Variants in TRAPPC13 observed in about 807,000 individuals in gnomAD.
TRAPPC13 encodes trafficking protein particle complex subunit 13.
In TRAPPC13, 39 loss-of-function variants were observed where a neutral mutation model predicts 54.0. The ratio of observed to expected loss-of-function variants is 0.72; its 90% CI spans 0.56 to 0.94. The LOEUF (loss-of-function observed/expected upper bound fraction) is 0.94, where lower values mean the gene tolerates loss of function less well. Ranked by LOEUF, TRAPPC13 falls within the 40% of genes least tolerant of loss-of-function variation. The pLI, the probability that TRAPPC13 is intolerant of heterozygous loss-of-function variation, is 0.00. For synonymous variants in TRAPPC13, 148 were observed against 167.7 expected (o/e 0.88, Z 0.91); for missense variants, 386 against 488.1 (o/e 0.79, Z 1.97).
chr5:65,650,718 T>G lies in TRAPPC13; in HGVS notation c.429-92T>G. Reference sequence around the variant, plus strand: ...CACATCCACACCATAGATATAAGTGTTTTCCAAATTTCTTAGTAGAATTGA... The same window carrying G: ...CACATCCACACCATAGATATAAGTGGTTTCCAAATTTCTTAGTAGAATTGA... On this transcript the variant is annotated intron_variant, in intron 5 of 12. Coordinates refer to ENST00000399438, the MANE Select transcript of TRAPPC13 (RefSeq NM_024941.4). 3.9e-6 allele frequency: 4 copies of G among 1,013,706 alleles called. No individual in the cohort carries two copies. In the South Asian group the frequency reaches 5.7e-5, roughly 14 times the overall value. 62.8% of individuals were successfully genotyped at this position (1,013,706 alleles called of 1,614,324 possible).
chr5:65,665,727 C>A lies in TRAPPC13; in HGVS notation c.*1116C>A, dbSNP rs2150697796. 1 of 152,386 alleles carries A rather than the reference C, an allele frequency of 6.6e-6. No homozygotes were observed. Among genetic ancestry groups the A allele is most frequent in the Admixed American group, 6.5e-5 (1 of 15,284 alleles). The allele number at this position is 152,386 out of a possible 1,614,324, so 9.4% of individuals were successfully genotyped here. A position where few individuals can be genotyped will look rare whatever the true frequency, so the allele number is the denominator to read the frequency against. On this transcript the variant is annotated 3_prime_UTR_variant, in exon 13 of 13. Transcript: ENST00000399438. Reference sequence around the variant, plus strand: ...AAAACTTTCTCTCTCCATGTAATCACACTTAGTTATGAGCAAAGCAGTGAG... The same window carrying A: ...AAAACTTTCTCTCTCCATGTAATCAAACTTAGTTATGAGCAAAGCAGTGAG...
intron 1 of TRAPPC13, among the ~76,000 whole-genome samples, 197 bp from the exon 2 acceptor site, chr5:65,635,104 C>G (rs1755700005): frequency 6.6e-6 from 1 of 151,812 alleles, no homozygotes; most frequent in Admixed American, 6.6e-5. Context: ...ATAAATGGTG[C>G]TTATTTTGTA....
At chr5:65,628,077 T>C (rs1013100788) in intron 1 of TRAPPC13, among the ~76,000 whole-genome samples, 2 of 152,188 alleles carry the variant, frequency 1.3e-5, no homozygotes, top group East Asian at 3.9e-4. Context: ...TTTATGGCTC[T>C]TACAGCTTTG....
chr5:65,626,267 G>A (rs1755224272), intron 1 of TRAPPC13: 1 of 152,202 alleles, frequency 6.6e-6, no homozygotes, highest in Non-Finnish European at 1.5e-5. Context: ...CACATAGCTA[G>A]TGATTGAGGC....
intron 5 of TRAPPC13, 128 bp from the exon 6 acceptor site, chr5:65,650,682 C>G: frequency 1.5e-6 from 1 of 665,852 alleles, no homozygotes; most frequent in Non-Finnish European, 2.6e-6. Flanking sequence ...TTTTCCCCTG[C>G]TCTAATCTCA....
intron 4 of TRAPPC13, among the ~76,000 whole-genome samples, chr5:65,643,839 A>G (rs1219910163): frequency 6.7e-6 from 1 of 149,430 alleles, no homozygotes; most frequent in Non-Finnish European, 1.5e-5. Context: ...AAAAGAAAGA[A>G]AAAAAAAAAA....
intron 7 of TRAPPC13, 137 bp downstream of exon 7, chr5:65,652,682 A>G: frequency 1.4e-6 from 1 of 733,740 alleles, no homozygotes; most frequent in African/African-American, 1.7e-5. Context: ...CACAAATTTC[A>G]GTTAAAATTG....
intron 3 of TRAPPC13, among the ~76,000 whole-genome samples, chr5:65,636,804 T>C (rs1561765680): frequency 6.6e-6 from 1 of 152,222 alleles, no homozygotes; most frequent in Non-Finnish European, 1.5e-5. Flanking sequence ...GGTTCCACTC[T>C]GTTTGCAACA....
At chr5:65,653,489 A>G (rs576082215) in intron 7 of TRAPPC13, among the ~76,000 whole-genome samples, 12 of 152,328 alleles carry the variant, frequency 7.9e-5, no homozygotes, top group African/African-American at 2.9e-4. Context: ...CCTAACCTGC[A>G]GCAAAGACCT....
intron 1 of TRAPPC13, chr5:65,629,496 A>G: frequency 7.0e-7 from 1 of 1,435,332 alleles, no homozygotes; most frequent in Non-Finnish European, 9.1e-7. Context: ...TTGGCAAGAG[A>G]GACAATCTTG....
intron 10 of TRAPPC13, 97 bp from the exon 11 acceptor site, chr5:65,661,953 C>G (rs1756864764): frequency 1.4e-6 from 1 of 738,592 alleles, no homozygotes; most frequent in Non-Finnish European, 2.1e-6. Context: ...GCTTGGAAAC[C>G]CAACAGCTGT....
chr5:65,658,569 C>T, intron 9 of TRAPPC13, 68 bp downstream of exon 9: 1 of 1,331,318 alleles, frequency 7.5e-7, no homozygotes. Context: ...ACATCCATTG[C>T]TCTTCAGTGG....
chr5:65,648,004 T>C (rs1346093545), intron 5 of TRAPPC13, among the ~76,000 whole-genome samples: 3 of 152,200 alleles, frequency 2.0e-5, no homozygotes, highest in Non-Finnish European at 4.4e-5. Context: ...TGTGATCTTG[T>C]ATAAGTCACT....
chr5:65,632,802 T>C (rs1215639474), intron 1 of TRAPPC13, among the ~76,000 whole-genome samples: 1 of 152,240 alleles, frequency 6.6e-6, no homozygotes, highest in African/African-American at 2.4e-5. Context: ...GTAGCATTTG[T>C]TGACTATTTC....
At chr5:65,629,729 A>C (rs1185363696) in intron 1 of TRAPPC13, 1 of 1,536,096 alleles carries the variant, frequency 6.5e-7, no homozygotes, top group African/African-American at 1.4e-5. Context: ...TGATGGGTCC[A>C]AGCTTCCACT....
intron 4 of TRAPPC13, among the ~76,000 whole-genome samples, chr5:65,645,475 G>A (rs2150677762): frequency 6.6e-6 from 1 of 152,084 alleles, no homozygotes; most frequent in East Asian, 1.9e-4. Flanking sequence ...ATTTCAAAGT[G>A]TCTAACATAA....
intron 4 of TRAPPC13, among the ~76,000 whole-genome samples, chr5:65,646,633 G>A (rs1263846522): frequency 2.0e-5 from 3 of 151,988 alleles, no homozygotes; most frequent in Non-Finnish European, 2.9e-5. Context: ...AACACGTGTC[G>A]TAGCTAGAGT....
At chr5:65,645,198 C>CAAAAAAAAAA (rs71610504) in intron 4 of TRAPPC13, among the ~76,000 whole-genome samples, 4 of 108,760 alleles carry the variant, frequency 3.7e-5, no homozygotes, top group African/African-American at 7.1e-5. Context: ...AACTCTGTCT[C>CAAAAAAAAAA]AAAAAAAAAA....
chr5:65,625,791 T>G (rs1195821507), intron 1 of TRAPPC13: 1 of 152,240 alleles, frequency 6.6e-6, no homozygotes, highest in African/African-American at 2.4e-5. Context: ...TTTATTTTAT[T>G]TGTTTTTTAC....
Sources: allele counts gnomAD v4.1 joint callset (sites outside exome capture counted in the v4.1 genomes callset), GRCh38; gene constraint gnomAD v4.1.1; transcripts MANE v1.5; gene names NCBI Gene and HGNC (gene_info 2026-07-23, HGNC 2026-07-21).